TULP3: variants seen among roughly 807,000 people sequenced by gnomAD.
TULP3 encodes tubby-related protein 3.
Under a neutral mutation model 50.7 loss-of-function variants are expected in TULP3, and 38 were observed. The observed-to-expected ratio is 0.75, with a 90% CI of 0.58 to 0.98. The LOEUF is 0.98. TULP3 is among the 50% of genes least tolerant of loss of function. The pLI, the probability that TULP3 is intolerant of heterozygous loss-of-function variation, is 0.00. For synonymous variants in TULP3, 183 were observed against 196.6 expected, an observed-to-expected ratio of 0.93 and a Z score of 0.58; for missense variants, 550 against 568.0, an observed-to-expected ratio of 0.97 and a Z score of 0.32.
At chr12:2,936,251 CAG>C (rs1255070731) in intron 8 of TULP3, among the ~76,000 whole-genome samples, 5 of 152,080 alleles carry the variant, frequency 3.3e-5, no homozygotes, top group African/African-American at 1.2e-4. Flanking sequence ...GCCTGGGTGA[CAG>C]AGCAAGACGC....
intron 1 of TULP3, among the ~76,000 whole-genome samples, chr12:2,904,017 C>T (rs1343697609): frequency 2.6e-5 from 4 of 152,018 alleles, no homozygotes; most frequent in South Asian, 4.1e-4. Flanking sequence ...CTCCTGACCT[C>T]GTGATCCGCC....
intron 1 of TULP3, among the ~76,000 whole-genome samples, chr12:2,891,733 AC>A (rs1195215395): frequency 2.0e-5 from 3 of 152,010 alleles, no homozygotes; most frequent in Admixed American, 2.0e-4. Context: ...CCAACTGTAT[AC>A]CCCGCTTTTT....
intron 1 of TULP3, among the ~76,000 whole-genome samples, chr12:2,896,700 A>G (rs547939763): frequency 6.6e-5 from 10 of 152,178 alleles, no homozygotes; most frequent in Non-Finnish European, 1.3e-4. Context: ...ACTTCAATAA[A>G]TCTACAAGGT....
rs576837516 is a variant in TULP3, at chr12:2,900,201, G to A, written c.41+9213G>A. On this transcript the variant is annotated intron_variant, in intron 1 of 10. Coordinates refer to ENST00000448120, the MANE Select transcript of TULP3 (RefSeq NM_003324.5). ...TCGCGCCACTGTACTCCAGCCTAGCGACAGAGCAAGACTCTGTCTCAGAAA... is the reference window on the plus strand; with the variant it reads ...TCGCGCCACTGTACTCCAGCCTAGCAACAGAGCAAGACTCTGTCTCAGAAA... Among the ~76,000 whole-genome samples, 48 of 152,242 alleles carry A rather than the reference G, an allele frequency of 3.2e-4. No homozygotes were observed. In the Middle Eastern group the frequency reaches 0.014, roughly 43 times the overall value.
intron 3 of TULP3, among the ~76,000 whole-genome samples, chr12:2,921,302 G>A (rs1180837419): frequency 6.6e-6 from 1 of 152,044 alleles, no homozygotes; most frequent in Non-Finnish European, 1.5e-5. Flanking sequence ...ACCATGCCCG[G>A]CTAATTTTTT....
intron 4 of TULP3, among the ~76,000 whole-genome samples, chr12:2,923,833 G>A (rs910556571): frequency 2.3e-4 from 34 of 150,526 alleles, no homozygotes; most frequent in Admixed American, 2.2e-3. Flanking sequence ...AAAAAAAATT[G>A]TCTGGGTGCA....
At chr12:2,932,755 A>G (rs1026749500) in intron 6 of TULP3, among the ~76,000 whole-genome samples, 38 of 151,930 alleles carry the variant, frequency 2.5e-4, no homozygotes, top group Non-Finnish European at 5.4e-4. Context: ...GACTCCAGTG[A>G]TCCCTCTACC....
chr12:2,892,660 C>T (rs964665005), intron 1 of TULP3, among the ~76,000 whole-genome samples: 2 of 151,870 alleles, frequency 1.3e-5, no homozygotes, highest in Non-Finnish European at 2.9e-5. Flanking sequence ...TATAGGCACG[C>T]GCCACCACGC....
At chr12:2,924,176 A>G (rs896728448) in intron 4 of TULP3, among the ~76,000 whole-genome samples, 5 of 152,050 alleles carry the variant, frequency 3.3e-5, no homozygotes, top group African/African-American at 4.8e-5. Flanking sequence ...CTGACGCCTC[A>G]CTCCACTTGG....
At chr12:2,929,199 C>T (rs943093443) in intron 4 of TULP3, among the ~76,000 whole-genome samples, 44 of 152,032 alleles carry the variant, frequency 2.9e-4, no homozygotes, top group Non-Finnish European at 5.0e-4. Context: ...CGCCTGTAGT[C>T]CCAGCTACTT....
chr12:2,911,500 C>T (rs1165390763), intron 2 of TULP3, among the ~76,000 whole-genome samples: 3 of 150,576 alleles, frequency 2.0e-5, no homozygotes, highest in African/African-American at 4.9e-5. Context: ...CTACAGGCGC[C>T]TGCCACCACG....
intron 1 of TULP3, among the ~76,000 whole-genome samples, chr12:2,894,723 G>A (rs1357891470): frequency 6.6e-6 from 1 of 152,006 alleles, no homozygotes; most frequent in Non-Finnish European, 1.5e-5. Context: ...GCGAAACCCT[G>A]TCTCTACTAA....
At position 2,939,309 on chromosome 12, in the gene TULP3, A is replaced by G; in HGVS notation, c.1196-2A>G. The G allele has an allele frequency of 6.2e-7, 1 of 1,613,134 alleles. No homozygotes were observed. Among genetic ancestry groups the G allele is most frequent in the South Asian group, 1.1e-5 (1 of 90,758 alleles). On this transcript the variant is annotated splice_acceptor_variant, in intron 10 of 10. Transcript: ENST00000448120. LOFTEE classifies it high-confidence loss of function. The surrounding 1 kb of genome is among the most constrained non-coding windows in gnomAD (Gnocchi z 4.0). ...AACATGTTGATTTCTTTCTGTTTCT[A>G]GCTGATTATATAGTCATGCAGTTTG...
intron 1 of TULP3, among the ~76,000 whole-genome samples, chr12:2,894,370 T>C (rs2098174176): frequency 6.6e-6 from 1 of 151,670 alleles, no homozygotes; most frequent in Non-Finnish European, 1.5e-5. Context: ...ACCCTATCTC[T>C]ACTAAAAATG....
Position 2,939,338 on chromosome 12 carries a change from G to C in TULP3, c.1223G>C (p.Arg408Pro). The part of the protein sequence containing the change: ...DPDYIVMQFG[R>P]VADDVFTLDY... The stretch of plus-strand genomic sequence containing the variant: ...GATTATATAGTCATGCAGTTTGGAC[G>C]TGTGGCAGATGACGTGTTCACACTG... Residue 408 changes from arginine to proline, a missense_variant, in exon 11 of 11, where the codon CGT becomes CCT. Arg to Pro is a moderately radical substitution (Grantham distance 103). Transcript: ENST00000448120. This position sits in a 1 kb window ranked among gnomAD's most constrained non-coding sequence, Gnocchi z 4.0. 6.2e-7 allele frequency: 1 copy of C among 1,614,182 alleles called. No individual in the cohort carries two copies. The highest frequency in any genetic ancestry group is 8.5e-7 in the Non-Finnish European group (1 of 1,180,020).
intron 5 of TULP3, 77 bp downstream of exon 5, chr12:2,930,422 A>T: frequency 7.2e-6 from 7 of 970,186 alleles, no homozygotes; most frequent in Non-Finnish European, 9.0e-6. Context: ...TTATTTATTT[A>T]TTATTATTAT....
intron 4 of TULP3, among the ~76,000 whole-genome samples, chr12:2,923,101 C>T (rs1216654442): frequency 1.3e-5 from 2 of 152,024 alleles, no homozygotes; most frequent in East Asian, 2.0e-4. Context: ...GTGATCCGCC[C>T]GCCTCGGCCT....
At chr12:2,903,996 G>A (rs1464369848) in intron 1 of TULP3, among the ~76,000 whole-genome samples, 2 of 151,992 alleles carry the variant, frequency 1.3e-5, no homozygotes. Context: ...GTTGGCCGGG[G>A]TGGTCTTGAA....
At chr12:2,905,751 G>A (rs545184220) in intron 1 of TULP3, among the ~76,000 whole-genome samples, 1 of 151,958 alleles carries the variant, frequency 6.6e-6, no homozygotes, top group Non-Finnish European at 1.5e-5. Context: ...AGACACACCT[G>A]TTTTTTTCAC....
Sources: allele counts gnomAD v4.1 joint callset (sites outside exome capture counted in the v4.1 genomes callset), GRCh38; gene constraint gnomAD v4.1.1; non-coding constraint Gnocchi (gnomAD v3.1); transcripts MANE v1.5; gene names NCBI Gene and HGNC (gene_info 2026-07-23, HGNC 2026-07-21).